Variants in CCDC141 observed in about 807,000 individuals in gnomAD.
CCDC141 encodes the protein coiled-coil domain-containing protein 141.
A neutral mutation model predicts 181.0 loss-of-function variants in CCDC141; 168 were observed. That is an observed-to-expected ratio of 0.93 (90% confidence interval 0.82 to 1.05). The LOEUF (loss-of-function observed/expected upper bound fraction) is 1.05. Among genes scored for constraint, CCDC141 ranks in the 50% least tolerant of loss-of-function variants. The pLI, the probability that CCDC141 is intolerant of heterozygous loss-of-function variation, is 0.00. For missense variants in CCDC141, 1,902 were observed against 1,788.5 expected, an observed-to-expected ratio of 1.06 and a Z score of -1.14; for synonymous variants, 666 against 642.3, an observed-to-expected ratio of 1.04 and a Z score of -0.56.
At chr2:178,947,424 T>C (rs1000502537) in intron 5 of CCDC141, among the ~76,000 whole-genome samples, 1 of 152,218 alleles carries the variant, frequency 6.6e-6, no homozygotes, top group Non-Finnish European at 1.5e-5. Context: ...AAATTGGTTC[T>C]GGGCAATGAT....
intron 12 of CCDC141, chr2:178,873,441 C>T (rs549246006): frequency 3.7e-4 from 56 of 152,090 alleles, no homozygotes; most frequent in South Asian, 1.0e-3. Context: ...GAATTCACCC[C>T]AAATTATACT....
At chr2:179,008,201 A>G (rs1459206378) in intron 2 of CCDC141, among the ~76,000 whole-genome samples, 1 of 152,206 alleles carries the variant, frequency 6.6e-6, no homozygotes. Context: ...TGGTCAAACA[A>G]AAATATACAA....
intron 2 of CCDC141, among the ~76,000 whole-genome samples, chr2:178,981,994 T>G (rs918988773): frequency 6.6e-6 from 1 of 151,674 alleles, no homozygotes; most frequent in Non-Finnish European, 1.5e-5. Flanking sequence ...ATTAAAAGGA[T>G]AAAAAGGAAT....
At chr2:179,041,114 C>T (rs1182101619) in intron 2 of CCDC141, among the ~76,000 whole-genome samples, 3 of 152,122 alleles carry the variant, frequency 2.0e-5, no homozygotes, top group South Asian at 4.1e-4. Context: ...CTCTGTCACC[C>T]AGGCTGGAGT....
intron 1 of CCDC141, among the ~76,000 whole-genome samples, chr2:179,047,987 A>G (rs2043555487): frequency 6.6e-6 from 1 of 152,200 alleles, no homozygotes; most frequent in South Asian, 2.1e-4. Flanking sequence ...AATATTCATT[A>G]AAGCGTGTAG....
At position 179,015,076 on chromosome 2, in the gene CCDC141, A is replaced by ATATATAT. The variant is rs2042394337; in HGVS notation, c.225+32201_225+32207dup. ...CTGTGAGAGAGACAGAGATATATAT[A>ATATATAT]TATATATATATATATATATATATAT... On this transcript the variant is annotated intron_variant, in intron 2 of 23. Coordinates refer to ENST00000443758, the MANE Select transcript of CCDC141 (RefSeq NM_173648.4). 1.6e-4 allele frequency among the ~76,000 whole-genome samples: 5 copies of ATATATAT among 31,218 alleles called. 1 individual carries two copies. The South Asian group carries it at 3.4e-3, about 21-fold the overall frequency. The allele number at this position is 31,218 out of a possible 152,430, so 20.5% of individuals were successfully genotyped here. A position where few individuals can be genotyped will look rare whatever the true frequency, so the allele number is the denominator to read the frequency against.
At chr2:178,936,722 C>T (rs1689304414) in intron 6 of CCDC141, among the ~76,000 whole-genome samples, 1 of 152,060 alleles carries the variant, frequency 6.6e-6, no homozygotes, top group Admixed American at 6.6e-5. Flanking sequence ...TCTTCCTATC[C>T]ATGAGTATGG....
At chr2:178,877,251 A>C (rs953042595) in intron 12 of CCDC141, 1 of 152,214 alleles carries the variant, frequency 6.6e-6, no homozygotes, top group Non-Finnish European at 1.5e-5. Context: ...CATGTGTAAG[A>C]GAAATTAAAT....
intron 2 of CCDC141, among the ~76,000 whole-genome samples, chr2:179,045,043 G>A (rs867320445): frequency 6.7e-6 from 1 of 149,234 alleles, no homozygotes; most frequent in African/African-American, 2.5e-5. Flanking sequence ...TAAGTTTTAG[G>A]GTACATGTGC....
At position 178,872,298 on chromosome 2, in the gene CCDC141, C is replaced by G; in HGVS notation, c.1914G>C (p.Glu638Asp). ...LNLINMAKENEILDVKNEVYL... is the reference protein window; with the variant it reads ...LNLINMAKENDILDVKNEVYL... ...ACACTTCATTTTTCACATCTAATAT[C>G]TCGTTCTCTTTTGCCTGTTAAATTA... is the stretch of plus-strand genomic sequence containing the variant. The change falls in exon 13 of 24, where the codon GAG (glutamate) becomes GAC (aspartate). Residue 638 changes from glutamate (E) to aspartate (D), a missense_variant. Transcript: ENST00000443758. The G allele has an allele frequency of 3.1e-6, 5 of 1,611,276 alleles. No homozygotes were observed. Among genetic ancestry groups the G allele is most frequent in the Non-Finnish European group, 3.4e-6 (4 of 1,179,088 alleles).
the CCDC141 span, among the ~76,000 whole-genome samples, chr2:178,824,061 AACACACAC>A: frequency 8.1e-5 from 12 of 147,424 alleles, no homozygotes; most frequent in African/African-American, 1.2e-4. Flanking sequence ...TACAGAGAAA[AACACACAC>A]ACACACACAC....
chr2:178,980,436 C>T (rs113775285), intron 2 of CCDC141, among the ~76,000 whole-genome samples: 22 of 151,832 alleles, frequency 1.4e-4, no homozygotes, highest in African/African-American at 4.1e-4. Flanking sequence ...GGCAACAGAG[C>T]GAGACTCTGT....
intron 13 of CCDC141, among the ~76,000 whole-genome samples, chr2:178,871,919 A>C (rs1213834645): frequency 6.6e-6 from 1 of 152,008 alleles, no homozygotes; most frequent in Non-Finnish European, 1.5e-5. Flanking sequence ...ACAGCTCCCC[A>C]TTCCCTCCCT....
At chr2:178,860,846 T>A (rs949946790) in intron 17 of CCDC141, among the ~76,000 whole-genome samples, 7 of 152,104 alleles carry the variant, frequency 4.6e-5, no homozygotes, top group African/African-American at 1.4e-4. Context: ...CAGTAATACA[T>A]ATTTTATCCA....
At chr2:178,942,004 G>C (rs1313112313) in intron 6 of CCDC141, among the ~76,000 whole-genome samples, 7 of 109,000 alleles carry the variant, frequency 6.4e-5, no homozygotes, top group Non-Finnish European at 1.3e-4. Context: ...AAAAAAAAGG[G>C]AAAAGAAAAG....
chr2:179,020,610 A>G (rs2042667849), intron 2 of CCDC141, among the ~76,000 whole-genome samples: 1 of 152,156 alleles, frequency 6.6e-6, no homozygotes, highest in African/African-American at 2.4e-5. Context: ...TCAGCCAGTT[A>G]ATAAACCTGA....
In CCDC141 at chr2:178,869,267, T is replaced by C. The variant is rs775588768; in HGVS notation, c.2244A>G (p.Ser748=). The C allele has an allele frequency of 1.2e-6, 2 of 1,613,212 alleles. No individual in the cohort carries two copies. Among genetic ancestry groups the C allele is most frequent in the Non-Finnish European group, 1.7e-6 (2 of 1,179,650 alleles). ...GGGCTCCTCTGCCAGTTAACTCCTC[T>C]GATTCTTTCATAATGTACTGAACCT... ...NDEVQYIMKE[S]EELTGRGAPV... Residue 748 remains serine (S), a synonymous_variant, in exon 15 of 24, where the codon TCA becomes TCG. Transcript: ENST00000443758.
intron 5 of CCDC141, among the ~76,000 whole-genome samples, chr2:178,955,608 A>G: frequency 6.6e-6 from 1 of 152,212 alleles, no homozygotes. Context: ...TACAGTATAT[A>G]TAGGCTAACT....
At chr2:178,896,381 A>G (rs1355967067) in intron 8 of CCDC141, among the ~76,000 whole-genome samples, 2 of 152,156 alleles carry the variant, frequency 1.3e-5, no homozygotes, top group African/African-American at 2.4e-5. Context: ...CAGCTCCCTG[A>G]CTGGACGCGG....
Sources: gnomAD v4.1 joint callset for allele counts (sites outside exome capture counted in the v4.1 genomes callset) on GRCh38, gnomAD v4.1.1 for gene constraint, MANE v1.5 for transcripts, NCBI Gene and HGNC (gene_info 2026-07-23, HGNC 2026-07-21) for gene names.